Variants in NHEJ1 observed in about 807,000 individuals in gnomAD.
NHEJ1 encodes the protein non-homologous end-joining factor 1.
In NHEJ1, 22 loss-of-function variants were observed where a neutral mutation model predicts 39.4. The observed-to-expected ratio is 0.56, with a 90% CI of 0.40 to 0.80. The LOEUF (loss-of-function observed/expected upper bound fraction) is 0.80. Among genes scored for constraint, NHEJ1 ranks in the 30% least tolerant of loss-of-function variants. The pLI is 0.00. For missense variants in NHEJ1, 329 were observed against 357.1 expected (o/e 0.92, Z 0.63); for synonymous variants, 154 against 135.6 (o/e 1.14, Z -0.94).
chr2:219,125,775 T>G (rs1949509472), intron 5 of NHEJ1: 1 of 152,280 alleles, frequency 6.6e-6, no homozygotes, highest in Admixed American at 6.5e-5. Context: ...AGGTGTCCAC[T>G]GATTTGGGTG....
chr2:219,094,686 T>A (rs950560347), intron 5 of NHEJ1, among the ~76,000 whole-genome samples: 1 of 152,154 alleles, frequency 6.6e-6, no homozygotes, highest in Admixed American at 6.5e-5. Flanking sequence ...TCCTAACTGA[T>A]AATCTCTCCA....
At chr2:219,112,066 G>A (rs540947534) in intron 5 of NHEJ1, among the ~76,000 whole-genome samples, 24 of 152,246 alleles carry the variant, frequency 1.6e-4, no homozygotes, top group African/African-American at 5.5e-4. Context: ...GAATAGAGTG[G>A]AAAAGGAAAG....
At chr2:219,159,578 T>TATATATGCATATATATATGC (rs1553549878) in intron 1 of NHEJ1, among the ~76,000 whole-genome samples, 6 of 56,328 alleles carry the variant, frequency 1.1e-4, no homozygotes, top group African/African-American at 3.0e-4. Flanking sequence ...TATATATGCA[T>TATATATGCATATATATATGC]ATATATATGC....
intron 5 of NHEJ1, among the ~76,000 whole-genome samples, chr2:219,095,630 T>C (rs1949201483): frequency 6.6e-6 from 1 of 152,114 alleles, no homozygotes; most frequent in African/African-American, 2.4e-5. Context: ...GAGAGCACCA[T>C]CCATAGCAGG....
intron 5 of NHEJ1, among the ~76,000 whole-genome samples, chr2:219,079,734 C>CT (rs1949045687): frequency 6.6e-6 from 1 of 152,234 alleles, no homozygotes; most frequent in South Asian, 2.1e-4. Flanking sequence ...CTACCTCACT[C>CT]TCAGGAGTTC....
chr2:219,157,972 T>TC, intron 2 of NHEJ1, among the ~76,000 whole-genome samples: 2 of 131,962 alleles, frequency 1.5e-5, no homozygotes, highest in South Asian at 5.1e-4. Flanking sequence ...CTAACTTTCT[T>TC]TCTCTCTCTC....
At chr2:219,143,056 C>T (rs1364214182) in intron 5 of NHEJ1, among the ~76,000 whole-genome samples, 2 of 152,182 alleles carry the variant, frequency 1.3e-5, no homozygotes, top group African/African-American at 4.8e-5. Flanking sequence ...TGTCTATAGC[C>T]TCTTGCCTAG....
chr2:219,130,907 A>T (rs1367509408), intron 5 of NHEJ1, among the ~76,000 whole-genome samples: 1 of 152,088 alleles, frequency 6.6e-6, no homozygotes, highest in Non-Finnish European at 1.5e-5. Context: ...TGGGAAAAAC[A>T]GTGAGACCCA....
chr2:219,159,528 T>TATATATATGC lies in NHEJ1; in HGVS notation c.1-1176_1-1167dup, dbSNP rs1367501843. Among the ~76,000 whole-genome samples, 295 of 92,216 alleles carry TATATATATGC rather than the reference T, an allele frequency of 3.2e-3. 17 individuals are homozygous for TATATATATGC. Among genetic ancestry groups the TATATATATGC allele is most frequent in the Non-Finnish European group, 4.3e-3 (201 of 46,464 alleles). 60.5% of individuals were successfully genotyped at this position (92,216 alleles called of 152,430 possible). A position where few individuals can be genotyped will look rare whatever the true frequency, so the allele number is the denominator to read the frequency against. On this transcript the variant is annotated intron_variant, in intron 1 of 7. Transcript: ENST00000356853. ...TGACATAACTTTATATATATATGCATATATATATGCATATATATATATGCA... is the reference window on the plus strand; with the variant it reads ...TGACATAACTTTATATATATATGCATATATATATGCATATATATGCATATATATATATGCA...
intron 5 of NHEJ1, among the ~76,000 whole-genome samples, chr2:219,087,392 C>T (rs912909568): frequency 1.1e-4 from 16 of 151,150 alleles, no homozygotes; most frequent in Admixed American, 2.0e-4. Flanking sequence ...TTTTTTTTTC[C>T]CTGACTTGGT....
intron 3 of NHEJ1, among the ~76,000 whole-genome samples, chr2:219,155,026 C>A (rs908783613): frequency 1.6e-4 from 24 of 148,498 alleles, no homozygotes; most frequent in African/African-American, 5.2e-4. Flanking sequence ...ATTGTAATAT[C>A]ATTATATTAG....
chr2:219,147,564 A>C (rs1357463388), intron 4 of NHEJ1, 93 bp downstream of exon 4: 2 of 1,493,982 alleles, frequency 1.3e-6, no homozygotes, highest in Non-Finnish European at 1.9e-6. Flanking sequence ...TGGGGGAGGC[A>C]CTTCTCTAAT....
intron 5 of NHEJ1, among the ~76,000 whole-genome samples, chr2:219,131,161 A>G (rs1949574811): frequency 6.6e-6 from 1 of 152,184 alleles, no homozygotes; most frequent in African/African-American, 2.4e-5. Flanking sequence ...CCCAGCATTC[A>G]GTGTTTTTGA....
At chr2:219,156,446 G>A (rs1949856010) in intron 3 of NHEJ1, among the ~76,000 whole-genome samples, 1 of 152,132 alleles carries the variant, frequency 6.6e-6, no homozygotes, top group Admixed American at 6.5e-5. Context: ...AGAAGACCCT[G>A]TCCCCTAAGT....
intron 5 of NHEJ1, among the ~76,000 whole-genome samples, chr2:219,103,311 T>G (rs991872323): frequency 3.3e-5 from 5 of 152,094 alleles, no homozygotes; most frequent in Admixed American, 1.3e-4. Flanking sequence ...AGTCTTGCTC[T>G]GTCGCCCAGG....
chr2:219,147,263 T>C lies in NHEJ1; in HGVS notation c.529+394A>G, dbSNP rs186190531. ...GGGAGGCCAAGGCAGGCAGATCACT[T>C]GAGGTCAGGAGTTCGAGACCAGCCT... On this transcript the variant is annotated intron_variant, in intron 4 of 7. Transcript: ENST00000356853. 3.4e-4 allele frequency among the ~76,000 whole-genome samples: 52 copies of C among 152,264 alleles called. No homozygotes were observed. In the East Asian group the frequency reaches 9.9e-3, roughly 29 times the overall value.
In NHEJ1 at chr2:219,070,963, A is replaced by C. The variant is rs1948950919; in HGVS notation, c.*5418T>G. On this transcript the variant is annotated 3_prime_UTR_variant, in exon 8 of 8. Coordinates refer to ENST00000356853, the MANE Select transcript of NHEJ1 (RefSeq NM_024782.3). ...TGCCTTCCACAACTAGTGCCTCCCC[A>C]TTCCTCTCACGTGACAGGACGCCCT... Among the ~76,000 whole-genome samples, 1 of 152,128 alleles carries C rather than the reference A, an allele frequency of 6.6e-6. No individual in the cohort carries two copies. The highest frequency in any genetic ancestry group is 2.1e-4 in the South Asian group (1 of 4,820).
intron 5 of NHEJ1, among the ~76,000 whole-genome samples, chr2:219,108,446 C>T (rs962475798): frequency 6.6e-6 from 1 of 152,180 alleles, no homozygotes; most frequent in African/African-American, 2.4e-5. Flanking sequence ...CATCTAAGCA[C>T]CCTTGGATTC....
intron 5 of NHEJ1, among the ~76,000 whole-genome samples, chr2:219,090,259 T>C (rs1446205772): frequency 1.3e-5 from 2 of 152,188 alleles, no homozygotes; most frequent in African/African-American, 2.4e-5. Flanking sequence ...TGGAGTTAAA[T>C]TGCTTACACT....
Sources: gnomAD v4.1 joint callset for allele counts (sites outside exome capture counted in the v4.1 genomes callset) on GRCh38, gnomAD v4.1.1 for gene constraint, MANE v1.5 for transcripts, NCBI Gene and HGNC (gene_info 2026-07-23, HGNC 2026-07-21) for gene names.